Variants in SHISA6 observed in about 807,000 individuals in gnomAD.
SHISA6 encodes the protein shisa family member 6.
A neutral mutation model predicts 47.9 loss-of-function variants in SHISA6; 22 were observed. The ratio of observed to expected loss-of-function variants is 0.46; its 90% confidence interval spans 0.33 to 0.66. SHISA6 has a LOEUF of 0.66. Among genes scored for constraint, SHISA6 ranks in the 30% least tolerant of loss-of-function variants. The pLI, the probability that SHISA6 is intolerant of heterozygous loss-of-function variation, is 0.02. For synonymous variants in SHISA6, 388 were observed against 337.8 expected, an observed-to-expected ratio of 1.15 and a Z score of -1.63; for missense variants, 680 against 764.6, an observed-to-expected ratio of 0.89 and a Z score of 1.30.
chr17:11,505,679 T>C (rs1311054374), intron 3 of SHISA6, among the ~76,000 whole-genome samples: 1 of 152,230 alleles, frequency 6.6e-6, no homozygotes, highest in Non-Finnish European at 1.5e-5. Context: ...ACTGGGTTCA[T>C]TCATGGCTAT....
intron 3 of SHISA6, among the ~76,000 whole-genome samples, chr17:11,470,016 C>T (rs1324147938): frequency 1.3e-5 from 2 of 152,178 alleles, no homozygotes; most frequent in African/African-American, 4.8e-5. Context: ...CTCTCTCTTT[C>T]TCTGAGCATG....
intron 1 of SHISA6, among the ~76,000 whole-genome samples, chr17:11,257,660 CAAAAAAA>C (rs11436926): frequency 7.3e-6 from 1 of 136,682 alleles, no homozygotes; most frequent in South Asian, 2.4e-4. Flanking sequence ...GATCCTGTCT[CAAAAAAA>C]AAAAAGAAAA....
chr17:11,250,192 T>C (rs1268407470), intron 1 of SHISA6, among the ~76,000 whole-genome samples: 1 of 152,180 alleles, frequency 6.6e-6, no homozygotes, highest in Non-Finnish European at 1.5e-5. Flanking sequence ...AGTTTGATAC[T>C]GAGGGTAAAA....
At chr17:11,269,066 G>A (rs1908542993) in intron 2 of SHISA6, among the ~76,000 whole-genome samples, 1 of 151,024 alleles carries the variant, frequency 6.6e-6, no homozygotes, top group African/African-American at 2.4e-5. Context: ...TTTTTTAATG[G>A]AGTCTTGCCC....
intron 2 of SHISA6, among the ~76,000 whole-genome samples, chr17:11,326,672 A>G (rs1910908311): frequency 6.6e-6 from 1 of 152,244 alleles, no homozygotes; most frequent in South Asian, 2.1e-4. Context: ...ATTTCAGCAC[A>G]TGCACATTGA....
chr17:11,401,451 G>T (rs1468822507), intron 3 of SHISA6, among the ~76,000 whole-genome samples: 2 of 152,148 alleles, frequency 1.3e-5, no homozygotes, highest in Non-Finnish European at 2.9e-5. Context: ...TGCCTGCCTT[G>T]GCCTCCTAAA....
chr17:11,354,229 G>T (rs1026574448), intron 2 of SHISA6, among the ~76,000 whole-genome samples: 1 of 152,142 alleles, frequency 6.6e-6, no homozygotes. Context: ...ATCATCTGGG[G>T]ACCTTGTTCA....
chr17:11,317,914 G>T (rs1304392735), intron 2 of SHISA6, among the ~76,000 whole-genome samples: 1 of 151,874 alleles, frequency 6.6e-6, no homozygotes, highest in East Asian at 1.9e-4. Flanking sequence ...GGGGTGGTAA[G>T]GTAAACCCTT....
At chr17:11,376,499 T>C (rs1208294920) in intron 2 of SHISA6, among the ~76,000 whole-genome samples, 1 of 152,078 alleles carries the variant, frequency 6.6e-6, no homozygotes, top group Non-Finnish European at 1.5e-5. Flanking sequence ...TCATTTTTTG[T>C]ATTTTTAGTA....
intron 3 of SHISA6, among the ~76,000 whole-genome samples, chr17:11,442,325 G>A (rs547895886): frequency 1.6e-5 from 2 of 121,906 alleles, no homozygotes; most frequent in Admixed American, 1.6e-4. Context: ...CCCGCCAATC[G>A]AGACCCTTAG....
chr17:11,418,454 C>A (rs1914351114), intron 3 of SHISA6, among the ~76,000 whole-genome samples: 3 of 152,070 alleles, frequency 2.0e-5, no homozygotes, highest in Non-Finnish European at 4.4e-5. Flanking sequence ...TTTCATTCTG[C>A]ACCCTGCCCC....
intron 2 of SHISA6, among the ~76,000 whole-genome samples, chr17:11,279,187 C>T (rs1364413199): frequency 1.3e-5 from 2 of 152,126 alleles, no homozygotes; most frequent in African/African-American, 4.8e-5. Context: ...CCTCGGGCCA[C>T]AACTTCAGCT....
intron 2 of SHISA6, among the ~76,000 whole-genome samples, chr17:11,327,335 T>C (rs2142201468): frequency 6.6e-6 from 1 of 152,330 alleles, no homozygotes; most frequent in East Asian, 1.9e-4. Context: ...CAAATGACCT[T>C]GGGCAAGTCA....
chr17:11,331,804 C>T (rs1911126743), intron 2 of SHISA6, among the ~76,000 whole-genome samples: 1 of 151,966 alleles, frequency 6.6e-6, no homozygotes, highest in South Asian at 2.1e-4. Context: ...CCTCTCTTTC[C>T]AGCTGCTTCT....
intron 2 of SHISA6, among the ~76,000 whole-genome samples, chr17:11,276,753 C>A (rs144924360): frequency 3.4e-4 from 52 of 152,158 alleles, no homozygotes; most frequent in African/African-American, 1.2e-3. Context: ...ATCACCACGA[C>A]CATCATCACC....
At chr17:11,300,291 G>A (rs532376070) in intron 2 of SHISA6, among the ~76,000 whole-genome samples, 1 of 152,304 alleles carries the variant, frequency 6.6e-6, no homozygotes, top group Non-Finnish European at 1.5e-5. Flanking sequence ...CCCAACCAGT[G>A]TAGACCTGGG....
intron 2 of SHISA6, among the ~76,000 whole-genome samples, chr17:11,351,278 T>C (rs1253253651): frequency 6.6e-6 from 1 of 152,174 alleles, no homozygotes; most frequent in Non-Finnish European, 1.5e-5. Context: ...CTGCACATTC[T>C]GCACATGTAT....
intron 1 of SHISA6, among the ~76,000 whole-genome samples, chr17:11,252,349 A>T (rs923743657): frequency 6.6e-6 from 1 of 152,204 alleles, no homozygotes; most frequent in Admixed American, 6.5e-5. Flanking sequence ...TACTCAGGAC[A>T]TCTGTCCTCT....
chr17:11,251,544 G>A (rs1055346392), intron 1 of SHISA6, among the ~76,000 whole-genome samples: 2 of 151,910 alleles, frequency 1.3e-5, no homozygotes, highest in African/African-American at 4.9e-5. Flanking sequence ...TTTGGGAGGC[G>A]GTATGGACCT....
Sources: allele counts gnomAD v4.1 joint callset (sites outside exome capture counted in the v4.1 genomes callset), GRCh38; gene constraint gnomAD v4.1.1; transcripts MANE v1.5; gene names NCBI Gene and HGNC (gene_info 2026-07-23, HGNC 2026-07-21).